BANP: variants seen among roughly 807,000 people sequenced by gnomAD.
BANP encodes the protein protein BANP.
A neutral mutation model predicts 68.1 loss-of-function variants in BANP; 11 were observed. That is an observed-to-expected ratio of 0.16 (90% CI 0.10 to 0.27). BANP has a LOEUF of 0.27. BANP is among the 10% of genes least tolerant of loss of function. BANP has a pLI of 1.00. For missense variants in BANP, 504 were observed against 722.7 expected (o/e 0.70, Z 3.47); for synonymous variants, 329 against 303.2 (o/e 1.09, Z -0.88).
chr16:87,977,550 A>C (rs368726664), intron 2 of BANP, among the ~76,000 whole-genome samples: 5 of 152,338 alleles, frequency 3.3e-5, no homozygotes, highest in African/African-American at 1.2e-4. Context: ...TTGCATTCAT[A>C]GTGGGTTTAA....
chr16:88,018,045 G>A lies in BANP; in HGVS notation c.656-383G>A, dbSNP rs1162342084. Among the ~76,000 whole-genome samples, 2 of 152,110 alleles carry A rather than the reference G, an allele frequency of 1.3e-5. No homozygotes were observed. ...GAGCATGGCTGGCAGTGAGGTGTGA[G>A]GGACCCCGGGGAGGGTTCCGCTCTG... is the stretch of plus-strand genomic sequence containing the variant. On this transcript the variant is annotated intron_variant, in intron 6 of 13. Transcript: ENST00000682872. This position sits in a 1 kb window ranked among gnomAD's most constrained non-coding sequence, Gnocchi z 7.7.
rs1319253784 is a variant in BANP, at chr16:88,004,240, A to G, written c.363-55A>G. The G allele has an allele frequency of 6.6e-6, 7 of 1,067,368 alleles. No individual in the cohort carries two copies. Among genetic ancestry groups the G allele is most frequent in the Non-Finnish European group, 4.2e-6 (3 of 710,370 alleles). The allele number at this position is 1,067,368 out of a possible 1,614,324, so 66.1% of individuals were successfully genotyped here. On this transcript the variant is annotated intron_variant, in intron 4 of 13. Coordinates refer to ENST00000682872, the MANE Select transcript of BANP (RefSeq NM_001386991.1). The surrounding 1 kb of genome is among the most constrained non-coding windows in gnomAD (Gnocchi z 7.0). ...TGAATGACTCTTATGTGCTCTTACC[A>G]TGAATGTTGTTGTTTTAAGGCCTTC...
intron 11 of BANP, among the ~76,000 whole-genome samples, chr16:88,044,451 G>A (rs551476152): frequency 6.6e-5 from 10 of 152,322 alleles, no homozygotes; most frequent in African/African-American, 2.4e-4. Context: ...CGTGCTGATT[G>A]CACTAATATT....
At chr16:87,997,220 A>G (rs1820604059) in intron 4 of BANP, among the ~76,000 whole-genome samples, 1 of 152,130 alleles carries the variant, frequency 6.6e-6, no homozygotes, top group Admixed American at 6.5e-5. Context: ...CAGCCTCCCA[A>G]AGTGTTGGGA....
At chr16:87,983,496 G>A (rs1032911699) in intron 3 of BANP, among the ~76,000 whole-genome samples, 18 of 152,204 alleles carry the variant, frequency 1.2e-4, no homozygotes, top group African/African-American at 3.9e-4. Context: ...ATCCGGAGGA[G>A]ACTCAGCCGG....
chr16:87,961,411 C>CCCCA lies in BANP; in HGVS notation c.-69+9899_-69+9900insACCC, dbSNP rs1555533475. ...ACTCCTGGACTCACAGAATCTGCAC[C>CCCCA]CCCCCGGGCCTCCCAAAGTGCTGGG... On this transcript the variant is annotated intron_variant, in intron 1 of 13. Coordinates refer to ENST00000682872, the MANE Select transcript of BANP (RefSeq NM_001386991.1). Among the ~76,000 whole-genome samples, 2 of 141,534 alleles carry CCCCA rather than the reference C, an allele frequency of 1.4e-5. 1 individual carries two copies. Among genetic ancestry groups the CCCCA allele is most frequent in the Non-Finnish European group, 3.3e-5 (2 of 61,350 alleles). The allele number at this position is 141,534 out of a possible 152,430, so 92.9% of individuals were successfully genotyped here.
At chr16:87,991,281 T>TA (rs2065845912) in intron 4 of BANP, among the ~76,000 whole-genome samples, 2 of 152,272 alleles carry the variant, frequency 1.3e-5, no homozygotes, top group African/African-American at 2.4e-5. Context: ...AATTGTATGA[T>TA]ACAGTTTACA....
intron 12 of BANP, 70 bp downstream of exon 12, chr16:88,065,402 C>G (rs1363970708): frequency 2.0e-5 from 14 of 686,626 alleles, no homozygotes; most frequent in Middle Eastern, 5.0e-4. Flanking sequence ...TTAAAGACCC[C>G]CGCGATGACA....
At chr16:88,049,405 A>C (rs1279995969) in intron 11 of BANP, among the ~76,000 whole-genome samples, 1 of 152,158 alleles carries the variant, frequency 6.6e-6, no homozygotes, top group Non-Finnish European at 1.5e-5. Flanking sequence ...TTCCCTGGGC[A>C]CCATCCTCCA....
At chr16:88,024,024 C>T (rs1007524636) in intron 7 of BANP, among the ~76,000 whole-genome samples, 9 of 151,730 alleles carry the variant, frequency 5.9e-5, no homozygotes, top group Non-Finnish European at 1.3e-4. Flanking sequence ...CAGCCGGATG[C>T]CGAGCACTTC....
chr16:88,059,092 TGCTCCTGCTGGTGTGCTGAGGTCC>T (rs2085964932), intron 11 of BANP, among the ~76,000 whole-genome samples: 1 of 151,074 alleles, frequency 6.6e-6, no homozygotes, highest in African/African-American at 2.4e-5. Context: ...CTGAGGTCCG[TGCTCCTGCTGGTGTGCTGAGGTCC>T]GTGCTCCTGC....
chr16:87,983,514 A>G (rs1208411605), intron 3 of BANP, among the ~76,000 whole-genome samples: 3 of 152,182 alleles, frequency 2.0e-5, no homozygotes, highest in Non-Finnish European at 2.9e-5. Flanking sequence ...CGGAAAGGTC[A>G]GACGTGGAGC....
intron 4 of BANP, among the ~76,000 whole-genome samples, chr16:87,988,671 T>A (rs2065090330): frequency 1.3e-5 from 2 of 152,178 alleles, no homozygotes; most frequent in Middle Eastern, 3.2e-3. Context: ...GGCTCACTCC[T>A]TGCTGTGAGG....
rs566576642 is a variant in BANP, at chr16:88,068,000, G to A, written c.1377+2668G>A. Among the ~76,000 whole-genome samples, 15 of 152,198 alleles carry A rather than the reference G, an allele frequency of 9.9e-5. No homozygotes were observed. In the East Asian group the frequency reaches 1.7e-3, roughly 18 times the overall value. ...CCCCCACTGTCTGCCTCCTTGTGTC[G>A]TCAGTCCGTGACACGCCACGTGTGT... On this transcript the variant is annotated intron_variant, in intron 12 of 13. Coordinates refer to ENST00000682872, the MANE Select transcript of BANP (RefSeq NM_001386991.1).
At chr16:88,014,643 G>C (rs923618868) in intron 6 of BANP, among the ~76,000 whole-genome samples, 1 of 151,976 alleles carries the variant, frequency 6.6e-6, no homozygotes, top group Non-Finnish European at 1.5e-5. Context: ...TAGCAGCTTG[G>C]TGGCTACAGC....
At position 88,003,433 on chromosome 16, in the gene BANP, C is replaced by G; in HGVS notation, c.363-862C>G. The G allele has an allele frequency of 2.2e-6, 1 of 456,040 alleles. No homozygotes were observed. The highest frequency in any genetic ancestry group is 4.4e-6 in the Non-Finnish European group (1 of 226,878). 28.2% of individuals were successfully genotyped at this position (456,040 alleles called of 1,614,324 possible). ...AAATCCAAGAATGGAGTTTTATTGT[C>G]AGGTGATAATCACGTTGTGTTTCTA... On this transcript the variant is annotated intron_variant, in intron 4 of 13. Transcript: ENST00000682872. The surrounding 1 kb of genome is among the most constrained non-coding windows in gnomAD (Gnocchi z 6.1).
chr16:88,028,805 G>A (rs1317041362), intron 8 of BANP, among the ~76,000 whole-genome samples: 1 of 152,226 alleles, frequency 6.6e-6, no homozygotes, highest in Non-Finnish European at 1.5e-5. Flanking sequence ...AGAGAGCGAT[G>A]TGAGGACTAT....
At chr16:88,059,558 C>T (rs1416367268) in intron 11 of BANP, among the ~76,000 whole-genome samples, 1 of 152,118 alleles carries the variant, frequency 6.6e-6, no homozygotes, top group Admixed American at 6.5e-5. Context: ...AGGACCCTCC[C>T]CATCCCCATA....
intron 1 of BANP, among the ~76,000 whole-genome samples, chr16:87,959,630 T>G (rs1276567648): frequency 6.6e-6 from 1 of 152,090 alleles, no homozygotes; most frequent in South Asian, 2.1e-4. Context: ...GCAGCCCGTG[T>G]GGTTTTGGGA....
Sources: gnomAD v4.1 joint callset for allele counts (sites outside exome capture counted in the v4.1 genomes callset) on GRCh38, gnomAD v4.1.1 for gene constraint, Gnocchi (gnomAD v3.1) non-coding constraint, MANE v1.5 for transcripts, NCBI Gene and HGNC (gene_info 2026-07-23, HGNC 2026-07-21) for gene names.